Variants in MAP3K5 observed in about 807,000 individuals in gnomAD.
MAP3K5 encodes ASK-1.
MAP3K5 carries 56 observed loss-of-function variants against 158.7 expected under a neutral mutation model. The ratio of observed to expected loss-of-function variants is 0.35; its 90% CI spans 0.28 to 0.44. MAP3K5 has a LOEUF of 0.44. MAP3K5 is among the 20% of genes least tolerant of loss of function. The probability of loss-of-function intolerance (pLI) is 1.00; values close to 1 mark genes in which losing one functional copy is unlikely to be tolerated. For synonymous variants in MAP3K5, 579 were observed against 601.7 expected, an observed-to-expected ratio of 0.96 and a Z score of 0.55; for missense variants, 1,294 against 1,674.8, an observed-to-expected ratio of 0.77 and a Z score of 3.97.
chr6:136,599,170 G>C (rs1449901562), intron 21 of MAP3K5, among the ~76,000 whole-genome samples: 2 of 24,840 alleles, frequency 8.1e-5, no homozygotes, highest in Admixed American at 2.9e-4. Context: ...AAAAAAAAAG[G>C]GGGGGGGGGC....
chr6:136,758,291 C>G (rs1395527503), intron 1 of MAP3K5, among the ~76,000 whole-genome samples: 1 of 152,126 alleles, frequency 6.6e-6, no homozygotes, highest in African/African-American at 2.4e-5. Flanking sequence ...CATAACAAAG[C>G]CTTGCAGTTT....
At chr6:136,593,816 A>T (rs1264781077) in intron 21 of MAP3K5, 1 of 374,768 alleles carries the variant, frequency 2.7e-6, no homozygotes, top group Non-Finnish European at 5.2e-6. Context: ...GAAGGTATAA[A>T]ATTATAGAAA....
chr6:136,704,725 T>C (rs868180300), intron 3 of MAP3K5, among the ~76,000 whole-genome samples: 1 of 152,092 alleles, frequency 6.6e-6, no homozygotes, highest in African/African-American at 2.4e-5. Flanking sequence ...TTTGTATTTT[T>C]AGTAGAGATG....
chr6:136,645,834 T>G (rs914438541), intron 11 of MAP3K5, among the ~76,000 whole-genome samples: 1 of 152,102 alleles, frequency 6.6e-6, no homozygotes, highest in African/African-American at 2.4e-5. Context: ...ATAAAAATAG[T>G]GAGAGGAGTG....
rs1255080229 is a variant in MAP3K5, at chr6:136,791,940, G to A, written c.218C>T (p.Ser73Leu). 2 of 1,611,482 alleles carry A rather than the reference G, an allele frequency of 1.2e-6. No individual in the cohort carries two copies. The highest frequency in any genetic ancestry group is 3.3e-5 in the Admixed American group (2 of 59,922). The change falls in exon 1 of 30, where the codon TCG (serine) becomes TTG (leucine). Residue 73 changes from serine (S) to leucine (L), a missense_variant. By Grantham distance (145) the Ser-to-Leu change is moderately radical. Transcript: ENST00000359015. ...GCCCCGGCCTCGGGTGGCACTGCTC[G>A]AGGAGGTGGCCGCCGGACAACCGAT... ...PGIGCPAATS[S>L]SSATRGRGSS...
At position 136,571,999 on chromosome 6, in the gene MAP3K5, G is replaced by A. The variant is rs1468726937; in HGVS notation, c.3518-4125C>T. 4.6e-5 allele frequency among the ~76,000 whole-genome samples: 7 copies of A among 152,102 alleles called. No individual in the cohort carries two copies. In the South Asian group the frequency reaches 8.3e-4, roughly 18 times the overall value. Reference sequence around the variant, plus strand: ...CCATTTCTTAATTTATTGATAGTACGGTAGGAGTAAGTCAAAATCATGTGT... The same window carrying A: ...CCATTTCTTAATTTATTGATAGTACAGTAGGAGTAAGTCAAAATCATGTGT... On this transcript the variant is annotated intron_variant, in intron 25 of 29. Transcript: ENST00000359015.
At chr6:136,764,642 A>G (rs1411527313) in intron 1 of MAP3K5, among the ~76,000 whole-genome samples, 2 of 152,228 alleles carry the variant, frequency 1.3e-5, no homozygotes. Flanking sequence ...TGAAGCCACT[A>G]CACTTTTTTG....
chr6:136,622,085 CAAAA>C (rs57596059), intron 15 of MAP3K5, among the ~76,000 whole-genome samples: 1 of 94,834 alleles, frequency 1.1e-5, no homozygotes. Flanking sequence ...GACTCCGTCT[CAAAA>C]AAAAAAAAAA....
At chr6:136,740,015 T>C (rs1192715240) in intron 1 of MAP3K5, among the ~76,000 whole-genome samples, 1 of 152,164 alleles carries the variant, frequency 6.6e-6, no homozygotes, top group East Asian at 1.9e-4. Context: ...GCCCCGGGGC[T>C]TCCACAGGAT....
At chr6:136,758,688 A>G (rs1783609965) in intron 1 of MAP3K5, among the ~76,000 whole-genome samples, 1 of 152,266 alleles carries the variant, frequency 6.6e-6, no homozygotes, top group South Asian at 2.1e-4. Flanking sequence ...TGACAAATTC[A>G]TAAGTGAAGA....
chr6:136,683,190 G>A (rs539763442), intron 7 of MAP3K5, among the ~76,000 whole-genome samples: 5 of 152,210 alleles, frequency 3.3e-5, no homozygotes, highest in Admixed American at 6.5e-5. Context: ...AAAGAGGTTA[G>A]TCTAAACCGG....
intron 10 of MAP3K5, 24 bp from the exon 11 acceptor site, chr6:136,651,115 C>G: frequency 7.7e-7 from 1 of 1,300,966 alleles, no homozygotes; most frequent in East Asian, 2.3e-5. Flanking sequence ...GGCAAAGAAA[C>G]TAATATCAGT....
intron 24 of MAP3K5, among the ~76,000 whole-genome samples, chr6:136,582,557 C>T (rs1406328759): frequency 1.3e-5 from 2 of 152,222 alleles, no homozygotes; most frequent in African/African-American, 4.8e-5. Flanking sequence ...CAACTCAGGA[C>T]TCTTGTCCCT....
chr6:136,638,353 C>A (rs922348435), intron 13 of MAP3K5, among the ~76,000 whole-genome samples: 3 of 152,130 alleles, frequency 2.0e-5, no homozygotes, highest in Non-Finnish European at 2.9e-5. Flanking sequence ...GGAGCACTAG[C>A]GTAATTTTTA....
chr6:136,646,518 T>C (rs1778265133), intron 11 of MAP3K5, among the ~76,000 whole-genome samples: 1 of 152,228 alleles, frequency 6.6e-6, no homozygotes, highest in Non-Finnish European at 1.5e-5. Flanking sequence ...GTTCTTTTTC[T>C]GTCTTCCAAA....
intron 13 of MAP3K5, among the ~76,000 whole-genome samples, chr6:136,638,015 A>G (rs1300261160): frequency 6.6e-6 from 1 of 152,186 alleles, no homozygotes; most frequent in African/African-American, 2.4e-5. Context: ...AACAAAGTCT[A>G]TCTTGGAATT....
chr6:136,732,357 G>A (rs1364254056), intron 1 of MAP3K5, among the ~76,000 whole-genome samples: 3 of 152,172 alleles, frequency 2.0e-5, no homozygotes, highest in South Asian at 2.1e-4. Context: ...CCCGGGAAGT[G>A]GAAGTTGCAG....
intron 10 of MAP3K5, among the ~76,000 whole-genome samples, chr6:136,655,999 A>C (rs745426148): frequency 2.6e-5 from 4 of 152,176 alleles, no homozygotes; most frequent in Non-Finnish European, 5.9e-5. Flanking sequence ...AAAAGCATAC[A>C]TCGGGCTGGC....
intron 11 of MAP3K5, among the ~76,000 whole-genome samples, chr6:136,643,111 T>G (rs368155605): frequency 6.6e-6 from 1 of 152,216 alleles, no homozygotes; most frequent in African/African-American, 2.4e-5. Context: ...AAGGTATTGC[T>G]ACCTAATTTA....
Sources: gnomAD v4.1 joint callset for allele counts (sites outside exome capture counted in the v4.1 genomes callset) on GRCh38, gnomAD v4.1.1 for gene constraint, MANE v1.5 for transcripts, NCBI Gene and HGNC (gene_info 2026-07-23, HGNC 2026-07-21) for gene names.